Variants in ANK3 observed in about 807,000 individuals in gnomAD.
ANK3 encodes ankyrin-3.
Under a neutral mutation model 370.9 loss-of-function variants are expected in ANK3, and 57 were observed. That is an observed-to-expected ratio of 0.15 (90% CI 0.12 to 0.19). ANK3 has a LOEUF of 0.19. ANK3 is among the 10% of genes least tolerant of loss of function. The pLI is 1.00. For missense variants in ANK3, 4,439 were observed against 5,302.1 expected (o/e 0.84, Z 5.06); for synonymous variants, 1,929 against 1,946.3 (o/e 0.99, Z 0.23).
At chr10:60,264,412 G>A (rs920079177) in intron 5 of ANK3, among the ~76,000 whole-genome samples, 6 of 152,112 alleles carry the variant, frequency 3.9e-5, no homozygotes, top group African/African-American at 1.4e-4. Flanking sequence ...TTGGGAGGCA[G>A]AGGCGGCCAG....
At chr10:60,354,321 T>G (rs1262779792) in intron 1 of ANK3, among the ~76,000 whole-genome samples, 2 of 152,180 alleles carry the variant, frequency 1.3e-5, no homozygotes, top group Admixed American at 6.5e-5. Flanking sequence ...TGAGAAACCT[T>G]TAAGTCTGAG....
chr10:60,212,173 ACT>A (rs1466996944), intron 9 of ANK3, among the ~76,000 whole-genome samples: 1 of 152,116 alleles, frequency 6.6e-6, no homozygotes, highest in East Asian at 1.9e-4. Flanking sequence ...AATATGAGCA[ACT>A]CTCTGATTTT....
At chr10:60,478,413 T>C (rs1158383624) in intron 2 of ANK3, among the ~76,000 whole-genome samples, 1 of 152,058 alleles carries the variant, frequency 6.6e-6, no homozygotes, top group African/African-American at 2.4e-5. Context: ...AAAAACTGAA[T>C]GGAATGAAGA....
intron 2 of ANK3, among the ~76,000 whole-genome samples, chr10:60,528,022 C>A (rs2076514644): frequency 6.6e-6 from 1 of 151,762 alleles, no homozygotes; most frequent in Non-Finnish European, 1.5e-5. Flanking sequence ...ACAGTGCTCA[C>A]CAAGATGGGA....
At chr10:60,327,714 A>C (rs2132922838) in intron 1 of ANK3, among the ~76,000 whole-genome samples, 1 of 152,268 alleles carries the variant, frequency 6.6e-6, no homozygotes, top group South Asian at 2.1e-4. Flanking sequence ...TCATAGGATA[A>C]AACCTAAAAG....
At chr10:60,643,949 G>T (rs10994453) in intron 1 of ANK3, among the ~76,000 whole-genome samples, 4,716 of 152,284 alleles carry the variant, frequency 0.031, 102 homozygotes, top group Middle Eastern at 0.054. Flanking sequence ...ATGTGACAGT[G>T]CTATTTGAGT....
In ANK3 at chr10:60,069,002, G is replaced by A. The variant is rs1361729926; in HGVS notation, c.11879C>T (p.Thr3960Ile). ...GGTGGTGGCAGTGGTGGTGGTGGTA[G>A]TGACACAGGTGGATCTTACCTTTAC... ...LPVKVRSTCV[T>I]TTTTTATTTT... Residue 3960 changes from threonine to isoleucine, a missense_variant, in exon 37 of 44, where the codon ACT becomes ATT. By Grantham distance (89) the Thr-to-Ile change is moderately conservative (BLOSUM62 -1). Around this residue, in one of 13 missense-constraint regions of ANK3, gnomAD observed 496 missense variants for 529.3 expected, o/e 0.94. Transcript: ENST00000280772. 1 of 1,613,954 alleles carries A rather than the reference G, an allele frequency of 6.2e-7. No homozygotes were observed. The highest frequency in any genetic ancestry group is 8.5e-7 in the Non-Finnish European group (1 of 1,179,960).
At chr10:60,076,514 G>T in intron 36 of ANK3, 66 bp from the exon 37 acceptor site, 1 of 1,492,588 alleles carries the variant, frequency 6.7e-7, no homozygotes, top group East Asian at 2.3e-5. Flanking sequence ...GAAACAGAGA[G>T]ACCAGAGAAA....
intron 2 of ANK3, among the ~76,000 whole-genome samples, chr10:60,525,224 T>C (rs148572747): frequency 3.4e-4 from 51 of 152,116 alleles, no homozygotes; most frequent in African/African-American, 1.2e-3. Context: ...AATATAAACA[T>C]CCATCTTGAA....
At chr10:60,443,212 G>A (rs762531497) in intron 2 of ANK3, among the ~76,000 whole-genome samples, 2 of 152,108 alleles carry the variant, frequency 1.3e-5, no homozygotes, top group Admixed American at 6.6e-5. Context: ...GGGTACTATA[G>A]GTGAGGAAAG....
intron 8 of ANK3, among the ~76,000 whole-genome samples, chr10:60,214,054 G>A (rs2096897009): frequency 6.6e-6 from 1 of 152,010 alleles, no homozygotes; most frequent in Non-Finnish European, 1.5e-5. Context: ...CAAATCACCT[G>A]ACTGGATTAT....
chr10:60,186,516 C>T (rs2132364399), intron 17 of ANK3, 199 bp downstream of exon 17: 1 of 664,844 alleles, frequency 1.5e-6, no homozygotes, highest in Non-Finnish European at 2.7e-6. Context: ...GCAACTGGCG[C>T]ATTGACCATT....
intron 26 of ANK3, among the ~76,000 whole-genome samples, chr10:60,110,317 G>A (rs972348541): frequency 6.6e-6 from 1 of 152,024 alleles, no homozygotes; most frequent in African/African-American, 2.4e-5. Flanking sequence ...ATGGGCTGGC[G>A]ATCATTTTTC....
At chr10:60,627,521 T>C (rs575940314) in intron 1 of ANK3, among the ~76,000 whole-genome samples, 1 of 152,266 alleles carries the variant, frequency 6.6e-6, no homozygotes, top group South Asian at 2.1e-4. Flanking sequence ...GTAGGCTTGA[T>C]AGGAAATGGA....
At position 60,226,486 on chromosome 10, in the gene ANK3, TATAC is replaced by T. The variant is rs1426147378; in HGVS notation, c.897+8198_897+8201del. The stretch of plus-strand genomic sequence containing the variant: ...ATATACATAGTATATATACTATATA[TATAC>T]ATATACTATAGTATATATACATAGT... On this transcript the variant is annotated intron_variant, in intron 8 of 43. Transcript: ENST00000280772. 1.2e-3 allele frequency among the ~76,000 whole-genome samples: 97 copies of T among 80,116 alleles called. 3 individuals are homozygous for T. The highest frequency in any genetic ancestry group is 5.5e-3 in the African/African-American group (64 of 11,632). The allele number at this position is 80,116 out of a possible 152,430, so 52.6% of individuals were successfully genotyped here. A position where few individuals can be genotyped will look rare whatever the true frequency, so the allele number is the denominator to read the frequency against.
intron 2 of ANK3, chr10:60,572,672 C>A (rs1018194772): frequency 7.0e-7 from 1 of 1,433,458 alleles, no homozygotes; most frequent in Non-Finnish European, 9.1e-7. Context: ...TTAAACCCAG[C>A]CCCTGCTGCT....
At chr10:60,482,509 A>G (rs548255193) in intron 2 of ANK3, among the ~76,000 whole-genome samples, 53 of 152,086 alleles carry the variant, frequency 3.5e-4, no homozygotes, top group African/African-American at 1.1e-3. Context: ...TTTTTTTAAG[A>G]CAGAGTCTCA....
chr10:60,063,230 G>T lies in ANK3; in HGVS notation c.12476C>A (p.Thr4159Lys), dbSNP rs751694466. The T allele has an allele frequency of 5.0e-6, 8 of 1,607,050 alleles. No individual in the cohort carries two copies. Among genetic ancestry groups the T allele is most frequent in the Admixed American group, 1.7e-5 (1 of 58,834 alleles). ...ATTDALTSVL[T>K]KINRIDIVTL... is the part of the protein sequence containing the mutation. ...CACTATATCTATTCGATTAATTTTT[G>T]TCAAGACCGAAGTTAAGGCATCAGC... The change falls in exon 40 of 44, where the codon ACA (threonine) becomes AAA (lysine). Residue 4159 changes from threonine to lysine, a missense_variant. This residue lies in a region of ANK3 where 99 missense variants were observed against 150.7 expected (regional missense o/e 0.66). Coordinates refer to ENST00000280772, the MANE Select transcript of ANK3 (RefSeq NM_020987.5).
At chr10:60,148,080 G>A (rs1324050246) in intron 23 of ANK3, among the ~76,000 whole-genome samples, 1 of 152,184 alleles carries the variant, frequency 6.6e-6, no homozygotes, top group East Asian at 1.9e-4. Context: ...GCAGCATTCT[G>A]CCTTCCTTTC....
Sources: allele counts gnomAD v4.1 joint callset (sites outside exome capture counted in the v4.1 genomes callset), GRCh38; gene constraint gnomAD v4.1.1; regional missense constraint gnomAD v4.1.1; transcripts MANE v1.5; gene names NCBI Gene and HGNC (gene_info 2026-07-23, HGNC 2026-07-21).